PAX2: variants seen among roughly 807,000 people sequenced by gnomAD.
PAX2 encodes paired box protein Pax-2.
Under a neutral mutation model 41.7 loss-of-function variants are expected in PAX2, and 9 were observed. The observed-to-expected ratio is 0.22, with a 90% CI of 0.13 to 0.38. PAX2 has a LOEUF of 0.38. Among genes scored for constraint, PAX2 ranks in the 10% least tolerant of loss-of-function variants. The pLI is 1.00. For synonymous variants in PAX2, 221 were observed against 212.7 expected (o/e 1.04, Z -0.34); for missense variants, 418 against 531.6 (o/e 0.79, Z 2.10).
chr10:100,788,108 T>A (rs1396069019), intron 5 of PAX2, among the ~76,000 whole-genome samples: 2 of 152,096 alleles, frequency 1.3e-5, no homozygotes, highest in Admixed American at 1.3e-4. Flanking sequence ...TCTTTAACAC[T>A]CTCTCCCTCT....
intron 1 of PAX2, among the ~76,000 whole-genome samples, chr10:100,737,864 G>C (rs193207573): frequency 5.7e-4 from 87 of 152,332 alleles, no homozygotes; most frequent in Non-Finnish European, 1.1e-3. Context: ...CCGCAGCCGG[G>C]TTTGCGAAGG....
chr10:100,806,727 CTG>C (rs1847797389), intron 6 of PAX2, 122 bp downstream of exon 6: 3 of 863,826 alleles, frequency 3.5e-6, no homozygotes, highest in Non-Finnish European at 3.9e-6. Context: ...CACGTGTGTT[CTG>C]TGTGTGTGCA....
At chr10:100,755,992 C>G (rs922377619) in intron 3 of PAX2, among the ~76,000 whole-genome samples, 5 of 152,006 alleles carry the variant, frequency 3.3e-5, no homozygotes, top group Non-Finnish European at 7.4e-5. Flanking sequence ...GAATGACAGG[C>G]AATGTTGGAA....
Position 100,827,507 on chromosome 10 carries a change from T to A in PAX2, c.1109-36T>A. The A allele has an allele frequency of 3.1e-6, 5 of 1,605,794 alleles. No homozygotes were observed. Among genetic ancestry groups the A allele is most frequent in the Non-Finnish European group, 4.3e-6 (5 of 1,172,464 alleles). ...CTTTTTTGTTCTCCTGTTTGTCCTC[T>A]CACCCAGCCCATTCTTCTCCTGTGT... On this transcript the variant is annotated intron_variant, in intron 9 of 9. Transcript: ENST00000355243. This position sits in a 1 kb window ranked among gnomAD's most constrained non-coding sequence, Gnocchi z 8.5.
intron 4 of PAX2, 22 bp downstream of exon 4, chr10:100,779,605 G>T (rs1353727363): frequency 1.1e-5 from 17 of 1,526,988 alleles, no homozygotes; most frequent in Non-Finnish European, 8.9e-7. Context: ...CAGGGAAGGG[G>T]AGGAAACCAG....
chr10:100,780,808 A>T (rs1846590626), intron 4 of PAX2, among the ~76,000 whole-genome samples: 1 of 152,210 alleles, frequency 6.6e-6, no homozygotes, highest in African/African-American at 2.4e-5. Context: ...CTGGGGCTTC[A>T]TTAGAAGGGT....
At chr10:100,797,458 A>T (rs1432748143) in intron 5 of PAX2, among the ~76,000 whole-genome samples, 1 of 152,216 alleles carries the variant, frequency 6.6e-6, no homozygotes, top group Non-Finnish European at 1.5e-5. Context: ...CCCCATCTAC[A>T]AAATGGGGAC....
In PAX2 at chr10:100,827,765, C is replaced by A; in HGVS notation, c.*146C>A. 3.1e-6 allele frequency: 4 copies of A among 1,292,556 alleles called. No individual in the cohort carries two copies. Among genetic ancestry groups the A allele is most frequent in the Non-Finnish European group, 3.3e-6 (3 of 903,528 alleles). 80.1% of individuals were successfully genotyped at this position (1,292,556 alleles called of 1,614,324 possible). On this transcript the variant is annotated 3_prime_UTR_variant, in exon 10 of 10. Transcript: ENST00000355243. This position sits in a 1 kb window ranked among gnomAD's most constrained non-coding sequence, Gnocchi z 8.5. Reference sequence around the variant, plus strand: ...CAGCCTCACCCCATCCCACGACCCCCGCAACCCTTCACATCACCCCCCTCG... The same window carrying A: ...CAGCCTCACCCCATCCCACGACCCCAGCAACCCTTCACATCACCCCCCTCG...
chr10:100,808,974 G>T (rs970543612), intron 6 of PAX2, 136 bp from the exon 7 acceptor site: 2 of 814,390 alleles, frequency 2.5e-6, no homozygotes, highest in Non-Finnish European at 4.2e-6. Flanking sequence ...CCAAGCCCCC[G>T]CATCTCCCCT....
chr10:100,739,070 A>G (rs1844865038), intron 1 of PAX2, among the ~76,000 whole-genome samples: 1 of 147,386 alleles, frequency 6.8e-6, no homozygotes, highest in Non-Finnish European at 1.5e-5. Context: ...AGCCACCGCA[A>G]CTCTCAGCAG....
intron 3 of PAX2, among the ~76,000 whole-genome samples, chr10:100,764,673 C>T (rs1845957778): frequency 6.7e-6 from 1 of 150,066 alleles, no homozygotes; most frequent in African/African-American, 2.5e-5. Flanking sequence ...GAGCCCAGAC[C>T]TTGTGGCTGT....
At chr10:100,807,279 A>G (rs1475328045) in intron 6 of PAX2, among the ~76,000 whole-genome samples, 2 of 151,750 alleles carry the variant, frequency 1.3e-5, no homozygotes, top group Non-Finnish European at 2.9e-5. Context: ...ACACTCCACC[A>G]TCCACCTGCT....
chr10:100,768,002 C>T (rs1252240211), intron 3 of PAX2, among the ~76,000 whole-genome samples: 1 of 151,914 alleles, frequency 6.6e-6, no homozygotes, highest in African/African-American at 2.4e-5. Flanking sequence ...CCCCCTCCCC[C>T]ACCCCATCCT....
At chr10:100,742,843 C>CTTTTTTTTTTTT (rs61627823), upstream of PAX2, among the ~76,000 whole-genome samples, 117 of 41,254 alleles carry the variant, frequency 2.8e-3, 39 homozygotes, top group East Asian at 4.4e-3. Flanking sequence ...TTCTTTCTTC[C>CTTTTTTTTTTTT]TTTTTTTTTT....
At chr10:100,781,061 G>A (rs1045318439) in intron 4 of PAX2, among the ~76,000 whole-genome samples, 185 bp from the exon 5 acceptor site, 3 of 152,186 alleles carry the variant, frequency 2.0e-5, no homozygotes, top group South Asian at 2.1e-4. Flanking sequence ...ATAATAGCCT[G>A]TATATGGCAA....
chr10:100,817,545 A>C (rs1365490364), intron 7 of PAX2, among the ~76,000 whole-genome samples: 1 of 152,218 alleles, frequency 6.6e-6, no homozygotes, highest in East Asian at 1.9e-4. Context: ...TTGGCTGTCA[A>C]GGTGTAGACC....
chr10:100,760,431 G>T (rs1357954306), intron 3 of PAX2, among the ~76,000 whole-genome samples: 1 of 152,198 alleles, frequency 6.6e-6, no homozygotes, highest in Admixed American at 6.5e-5. Flanking sequence ...GGTTCTGAAA[G>T]GTACACACAG....
At chr10:100,761,446 C>CAGAG (rs750816434) in intron 3 of PAX2, among the ~76,000 whole-genome samples, 1 of 152,172 alleles carries the variant, frequency 6.6e-6, no homozygotes, top group Non-Finnish European at 1.5e-5. Flanking sequence ...GAAGGCCATG[C>CAGAG]AGACTCCCTT....
At chr10:100,795,559 T>C (rs1282723757) in intron 5 of PAX2, among the ~76,000 whole-genome samples, 1 of 152,254 alleles carries the variant, frequency 6.6e-6, no homozygotes, top group Admixed American at 6.5e-5. Flanking sequence ...ATCACCATTT[T>C]CTTTTCTGTT....
Sources: gnomAD v4.1 joint callset for allele counts (sites outside exome capture counted in the v4.1 genomes callset) on GRCh38, gnomAD v4.1.1 for gene constraint, Gnocchi (gnomAD v3.1) non-coding constraint, MANE v1.5 for transcripts, NCBI Gene and HGNC (gene_info 2026-07-23, HGNC 2026-07-21) for gene names.